The following GALNT1 variants were observed in gnomAD, a reference collection of about 807,000 sequenced individuals.
The protein encoded by GALNT1 is polypeptide N-acetylgalactosaminyltransferase 1.
A neutral mutation model predicts 65.7 loss-of-function variants in GALNT1; 17 were observed. The observed-to-expected ratio is 0.26, with a 90% CI of 0.18 to 0.39. The LOEUF (loss-of-function observed/expected upper bound fraction) is 0.39, where lower values mean the gene tolerates loss of function less well. Among genes scored for constraint, GALNT1 ranks in the 10% least tolerant of loss-of-function variants. The pLI is 1.00. For synonymous variants in GALNT1, 210 were observed against 219.7 expected (o/e 0.96, Z 0.39); for missense variants, 460 against 672.8 (o/e 0.68, Z 3.50).
chr18:35,625,368 G>A (rs1211207951), intron 1 of GALNT1, among the ~76,000 whole-genome samples: 1 of 151,886 alleles, frequency 6.6e-6, no homozygotes, highest in Non-Finnish European at 1.5e-5. Flanking sequence ...AAAAGTAGGA[G>A]AACAAGAAAT....
intron 1 of GALNT1, among the ~76,000 whole-genome samples, chr18:35,629,026 A>G (rs1459548743): frequency 6.6e-6 from 1 of 152,256 alleles, no homozygotes; most frequent in African/African-American, 2.4e-5. Context: ...AAAAAAGAAT[A>G]AAAAGAAATG....
At position 35,625,181 on chromosome 18, in the gene GALNT1, C is replaced by A. The variant is rs528989767; in HGVS notation, c.-103-29379C>A. Among the ~76,000 whole-genome samples the A allele has an allele frequency of 2.6e-5, 4 of 152,224 alleles. 1 individual carries two copies. The South Asian group carries it at 8.3e-4, about 32-fold the overall frequency. On this transcript the variant is annotated intron_variant, in intron 1 of 11. Transcript: ENST00000269195. The stretch of plus-strand genomic sequence containing the variant: ...ATAATTCCCATGCTGGGGATGTTTA[C>A]AATCTAACCAAAGAGTCCCGGGGAA...
At position 35,590,390 on chromosome 18, in the gene GALNT1, C is replaced by G. The variant is rs77735025; in HGVS notation, c.-104+8528C>G. ...ATTGATTTTGATTCTGTAAAGATGT[C>G]TAAGTATTGGCTTCCAGTATGTTAA... On this transcript the variant is annotated intron_variant, in intron 1 of 11. Transcript: ENST00000269195. 4.7e-4 allele frequency among the ~76,000 whole-genome samples: 71 copies of G among 152,240 alleles called. No homozygotes were observed. The East Asian group carries it at 0.013, about 27-fold the overall frequency.
chr18:35,597,996 C>A (rs2046526502), intron 1 of GALNT1, among the ~76,000 whole-genome samples: 1 of 46,154 alleles, frequency 2.2e-5, no homozygotes, highest in Non-Finnish European at 5.0e-5. Flanking sequence ...TAACTCCCCT[C>A]CCCTCCCCTC....
intron 3 of GALNT1, chr18:35,664,133 C>G (rs2047513308): frequency 6.5e-6 from 2 of 307,110 alleles, no homozygotes; most frequent in Admixed American, 1.0e-4. Context: ...GTGAAATACA[C>G]AGTCGTAAGT....
chr18:35,600,548 C>T (rs2046568447), intron 1 of GALNT1, among the ~76,000 whole-genome samples: 1 of 152,170 alleles, frequency 6.6e-6, no homozygotes, highest in Non-Finnish European at 1.5e-5. Flanking sequence ...CTAGGACTTC[C>T]AGTACTGTTT....
intron 1 of GALNT1, among the ~76,000 whole-genome samples, chr18:35,639,819 G>A (rs1395294769): frequency 6.6e-6 from 1 of 151,620 alleles, no homozygotes; most frequent in Non-Finnish European, 1.5e-5. Flanking sequence ...TTTGTCAGAC[G>A]AAGTCTCACT....
At chr18:35,662,250 A>C (rs1380867237) in intron 2 of GALNT1, among the ~76,000 whole-genome samples, 4 of 152,186 alleles carry the variant, frequency 2.6e-5, no homozygotes, top group Non-Finnish European at 4.4e-5. Flanking sequence ...GAGCTTACTT[A>C]CTGGGCAAAC....
intron 5 of GALNT1, among the ~76,000 whole-genome samples, chr18:35,686,360 A>G (rs1232393132): frequency 6.6e-6 from 1 of 152,210 alleles, no homozygotes; most frequent in Non-Finnish European, 1.5e-5. Flanking sequence ...CGATTCTAGC[A>G]TTGATACGGA....
chr18:35,692,329 T>A lies in GALNT1; in HGVS notation c.1299+9T>A. ...ATTTCTCATTGGGAGAGGTAAGAAA[T>A]ATATATATATATATTCTATGTGGTT... On this transcript the variant is annotated intron_variant, in intron 9 of 11. Transcript: ENST00000269195. 1 of 886,118 alleles carries A rather than the reference T, an allele frequency of 1.1e-6. No homozygotes were observed. The highest frequency in any genetic ancestry group is 1.5e-6 in the Non-Finnish European group (1 of 645,934). 54.9% of individuals were successfully genotyped at this position (886,118 alleles called of 1,614,324 possible). A position where few individuals can be genotyped will look rare whatever the true frequency, so the allele number is the denominator to read the frequency against.
At chr18:35,691,283 G>A in intron 8 of GALNT1, 91 bp downstream of exon 8, 4 of 1,114,402 alleles carry the variant, frequency 3.6e-6, no homozygotes, top group Non-Finnish European at 5.1e-6. Context: ...GTGAAGCTTT[G>A]AGCAGAGGTG....
chr18:35,683,229 A>T (rs1228913254), intron 4 of GALNT1, among the ~76,000 whole-genome samples, 162 bp from the exon 5 acceptor site: 1 of 152,166 alleles, frequency 6.6e-6, no homozygotes, highest in East Asian at 1.9e-4. Flanking sequence ...TCTCTTGGGG[A>T]ATATAAAGGC....
intron 1 of GALNT1, among the ~76,000 whole-genome samples, chr18:35,617,470 A>G (rs1322446132): frequency 1.3e-5 from 2 of 152,196 alleles, no homozygotes; most frequent in African/African-American, 2.4e-5. Context: ...TCATATTTCG[A>G]GAAATTCTAA....
At chr18:35,604,581 T>C (rs962265045) in intron 1 of GALNT1, among the ~76,000 whole-genome samples, 6 of 152,202 alleles carry the variant, frequency 3.9e-5, no homozygotes, top group Admixed American at 3.9e-4. Flanking sequence ...CAGCATGTTA[T>C]TTTTTGACTT....
chr18:35,644,859 C>T (rs1007228327), intron 1 of GALNT1, among the ~76,000 whole-genome samples: 3 of 152,016 alleles, frequency 2.0e-5, no homozygotes, highest in African/African-American at 7.2e-5. Flanking sequence ...GGCATGGTGG[C>T]ATGCACCTGT....
chr18:35,671,104 C>G (rs2047628228), intron 3 of GALNT1, among the ~76,000 whole-genome samples: 1 of 151,506 alleles, frequency 6.6e-6, no homozygotes, highest in African/African-American at 2.4e-5. Context: ...GATGGCTGGA[C>G]TTTTTTTTTC....
At chr18:35,655,786 CTTAACT>C (rs747016327) in intron 2 of GALNT1, among the ~76,000 whole-genome samples, 6 of 152,142 alleles carry the variant, frequency 3.9e-5, no homozygotes, top group African/African-American at 1.4e-4. Context: ...ACTGTACCAA[CTTAACT>C]TTAATTGTTA....
At chr18:35,634,732 AACAAT>A (rs2047067047) in intron 1 of GALNT1, among the ~76,000 whole-genome samples, 1 of 152,172 alleles carries the variant, frequency 6.6e-6, no homozygotes, top group Non-Finnish European at 1.5e-5. Context: ...TGTTTATACA[AACAAT>A]ACAATGTTGT....
chr18:35,595,638 T>TA (rs1401830862), intron 1 of GALNT1, among the ~76,000 whole-genome samples: 1 of 152,202 alleles, frequency 6.6e-6, no homozygotes, highest in Non-Finnish European at 1.5e-5. Context: ...TGTTTTTGCA[T>TA]AAAAAATACT....
Sources: gnomAD v4.1 joint callset for allele counts (sites outside exome capture counted in the v4.1 genomes callset) on GRCh38, gnomAD v4.1.1 for gene constraint, MANE v1.5 for transcripts, NCBI Gene and HGNC (gene_info 2026-07-23, HGNC 2026-07-21) for gene names.